HSPA12A: variants seen among roughly 807,000 people sequenced by gnomAD.
HSPA12A encodes heat shock 70 kDa protein 12A.
Under a neutral mutation model 69.2 loss-of-function variants are expected in HSPA12A, and 28 were observed. The observed-to-expected ratio is 0.40, with a 90% CI of 0.30 to 0.55. The LOEUF (loss-of-function observed/expected upper bound fraction) is 0.55, where lower values mean the gene tolerates loss of function less well. HSPA12A is among the 20% of genes least tolerant of loss of function. HSPA12A has a pLI of 0.38. For missense variants in HSPA12A, 686 were observed against 900.7 expected (o/e 0.76, Z 3.05); for synonymous variants, 345 against 370.5 (o/e 0.93, Z 0.79).
intron 2 of HSPA12A, among the ~76,000 whole-genome samples, chr10:116,765,112 C>T (rs1844050038): frequency 2.0e-5 from 3 of 152,134 alleles, no homozygotes; most frequent in Non-Finnish European, 2.9e-5. Flanking sequence ...CTACTGGGTA[C>T]ATCTGTATGT....
chr10:116,687,349 G>A (rs912814672), intron 6 of HSPA12A, among the ~76,000 whole-genome samples: 6 of 152,186 alleles, frequency 3.9e-5, no homozygotes, highest in Admixed American at 6.5e-5. Context: ...CATGGGCCCA[G>A]GCAGTGTCTG....
chr10:116,847,295 A>G (rs1046138919), intron 1 of HSPA12A, among the ~76,000 whole-genome samples: 8 of 152,094 alleles, frequency 5.3e-5, no homozygotes, highest in South Asian at 4.1e-4. Context: ...TCTCTCACTC[A>G]TCAATTCCCA....
At position 116,679,565 on chromosome 10, in the gene HSPA12A, G is replaced by A; in HGVS notation, c.1224C>T (p.Ser408=). The A allele has an allele frequency of 1.2e-6, 2 of 1,614,252 alleles. No individual in the cohort carries two copies. Residue 408 remains serine, a synonymous_variant, in exon 10 of 12, where the codon TCC becomes TCT. Transcript: ENST00000369209. Reference sequence around the variant, plus strand: ...GGAACTTCTTGTAGTAGTCAATGAAGGAGAAGGGCAGGGTGATGTTCAGCG... The same window carrying A: ...GGAACTTCTTGTAGTAGTCAATGAAAGAGAAGGGCAGGGTGATGTTCAGCG... ...TNPLNITLPF[S]FIDYYKKFRG... is the part of the protein sequence containing the mutation.
At chr10:116,766,512 A>G (rs1199621868) in intron 2 of HSPA12A, among the ~76,000 whole-genome samples, 1 of 152,164 alleles carries the variant, frequency 6.6e-6, no homozygotes, top group Non-Finnish European at 1.5e-5. Context: ...GCCCATCTGC[A>G]TCTTCAGACA....
intron 1 of HSPA12A, among the ~76,000 whole-genome samples, chr10:116,731,766 TCCC>T (rs1398253887): frequency 6.6e-6 from 1 of 151,966 alleles, no homozygotes; most frequent in African/African-American, 2.4e-5. Context: ...GCCCCCTAAC[TCCC>T]CCTCTCTCAG....
upstream of HSPA12A, chr10:116,849,743 G>C (rs1173300380): frequency 7.3e-6 from 11 of 1,498,056 alleles, no homozygotes; most frequent in Non-Finnish European, 9.8e-6. Flanking sequence ...TAGGGACCTG[G>C]GACAAGCGCT....
At chr10:116,820,405 TAC>T (rs901478153) in intron 2 of HSPA12A, among the ~76,000 whole-genome samples, 14 of 152,042 alleles carry the variant, frequency 9.2e-5, no homozygotes, top group African/African-American at 3.1e-4. Context: ...GGGATGCGGT[TAC>T]ACTGATCCTG....
In HSPA12A at chr10:116,683,935, C is replaced by T; in HGVS notation, c.691G>A (p.Glu231Lys). The change falls in exon 7 of 12, where the codon GAG (glutamate) becomes AAG (lysine). Residue 231 changes from glutamate (E) to lysine (K), a missense_variant. Glu to Lys is a moderately conservative substitution (Grantham distance 56). Transcript: ENST00000369209. ...QAGLASPENS[E>K]QLIIALEPEA... ...GGCTCCAAGGCAATGATGAGCTGCT[C>T]CGAGTTCTCGGGGGAGGCCAGGCCT... The T allele has an allele frequency of 6.3e-7, 1 of 1,582,518 alleles. No homozygotes were observed. Among genetic ancestry groups the T allele is most frequent in the South Asian group, 1.1e-5 (1 of 89,212 alleles).
chr10:116,742,599 G>A (rs1589679522), upstream of HSPA12A: 2 of 1,101,426 alleles, frequency 1.8e-6, no homozygotes, highest in African/African-American at 3.4e-5. Flanking sequence ...CTGCTCTGAC[G>A]CGGCAGCCGC....
chr10:116,818,774 A>C (rs1373740352), intron 2 of HSPA12A, among the ~76,000 whole-genome samples: 1 of 152,146 alleles, frequency 6.6e-6, no homozygotes, highest in Non-Finnish European at 1.5e-5. Flanking sequence ...GTGATCCCTA[A>C]ATCATGGTTC....
rs189689079 is a variant in HSPA12A, at chr10:116,752,481, A to C, written c.92-45196T>G. Among the ~76,000 whole-genome samples, 1,042 of 152,282 alleles carry C rather than the reference A, an allele frequency of 6.8e-3. 11 individuals are homozygous for C. Among genetic ancestry groups the C allele is most frequent in the African/African-American group, 0.024 (988 of 41,550 alleles). On this transcript the variant is annotated intron_variant, in intron 2 of 12. Coordinates refer to the HSPA12A transcript ENST00000635765. Reference sequence around the variant, plus strand: ...TCTCCTTCCATCAGACATGTGCTGCAACATAAAATCTAACCAGACACAGGC... The same window carrying C: ...TCTCCTTCCATCAGACATGTGCTGCCACATAAAATCTAACCAGACACAGGC...
chr10:116,770,466 G>C (rs1554890303), intron 2 of HSPA12A, among the ~76,000 whole-genome samples: 1 of 152,182 alleles, frequency 6.6e-6, no homozygotes, highest in Non-Finnish European at 1.5e-5. Flanking sequence ...CTTGGGTCTG[G>C]GAATGTGTGA....
At chr10:116,844,253 A>G (rs1845845680) in intron 1 of HSPA12A, among the ~76,000 whole-genome samples, 1 of 152,200 alleles carries the variant, frequency 6.6e-6, no homozygotes, top group Non-Finnish European at 1.5e-5. Flanking sequence ...GAAATGATGT[A>G]AGTAAACCTC....
At chr10:116,813,987 C>T (rs1406017928) in intron 2 of HSPA12A, among the ~76,000 whole-genome samples, 2 of 152,130 alleles carry the variant, frequency 1.3e-5, no homozygotes, top group Non-Finnish European at 2.9e-5. Flanking sequence ...ACAATAGGAA[C>T]AGACCCTCAG....
At chr10:116,746,882 A>G (rs1227573729), upstream of HSPA12A, among the ~76,000 whole-genome samples, 3 of 152,224 alleles carry the variant, frequency 2.0e-5, no homozygotes, top group Non-Finnish European at 4.4e-5. Flanking sequence ...GAACTTTGAC[A>G]TAGGACACTG....
intron 1 of HSPA12A, among the ~76,000 whole-genome samples, chr10:116,725,997 A>C (rs1850943077): frequency 6.7e-6 from 1 of 148,902 alleles, no homozygotes; most frequent in African/African-American, 2.5e-5. Flanking sequence ...ATATTCATTC[A>C]ACATACAAGG....
intron 2 of HSPA12A, among the ~76,000 whole-genome samples, chr10:116,779,807 G>T (rs1372577957): frequency 2.0e-5 from 3 of 152,102 alleles, no homozygotes; most frequent in Non-Finnish European, 4.4e-5. Flanking sequence ...TGTGTGTAAA[G>T]AGGAGCTAGC....
At chr10:116,720,353 G>A (rs1017140632) in intron 1 of HSPA12A, among the ~76,000 whole-genome samples, 5 of 152,196 alleles carry the variant, frequency 3.3e-5, no homozygotes, top group Non-Finnish European at 7.3e-5. Context: ...GCGGACTCCA[G>A]ACTCTCCAAC....
At chr10:116,717,076 G>GAT (rs1850629748) in intron 1 of HSPA12A, among the ~76,000 whole-genome samples, 1 of 152,168 alleles carries the variant, frequency 6.6e-6, no homozygotes, top group Non-Finnish European at 1.5e-5. Flanking sequence ...TGCAAGCTAA[G>GAT]AGCCTTACAG....
Sources: allele counts gnomAD v4.1 joint callset (sites outside exome capture counted in the v4.1 genomes callset), GRCh38; gene constraint gnomAD v4.1.1; transcripts MANE v1.5; gene names NCBI Gene and HGNC (gene_info 2026-07-23, HGNC 2026-07-21).